Variants in CD5 observed in about 807,000 individuals in gnomAD.
The protein encoded by CD5 is T-cell surface glycoprotein CD5.
A neutral mutation model predicts 60.3 loss-of-function variants in CD5; 36 were observed. That is an observed-to-expected ratio of 0.60 (90% CI 0.46 to 0.79). CD5 has a LOEUF of 0.79. Among genes scored for constraint, CD5 ranks in the 30% least tolerant of loss-of-function variants. The pLI is 0.00. For missense variants in CD5, 540 were observed against 630.6 expected, an observed-to-expected ratio of 0.86 and a Z score of 1.54; for synonymous variants, 230 against 257.6, an observed-to-expected ratio of 0.89 and a Z score of 1.03.
At chr11:61,119,033 G>C in intron 4 of CD5, 56 bp downstream of exon 4, 1 of 1,435,856 alleles carries the variant, frequency 7.0e-7, no homozygotes, top group African/African-American at 1.4e-5. Flanking sequence ...AAAAACCCAG[G>C]ATGCCCAGTT....
intron 1 of CD5, among the ~76,000 whole-genome samples, chr11:61,112,766 C>T (rs1025615378): frequency 5.3e-5 from 8 of 152,220 alleles, no homozygotes; most frequent in Admixed American, 5.2e-4. Flanking sequence ...CCCGTGACTC[C>T]TAGAGCAACA....
At chr11:61,125,237 G>A (rs1456060939) in intron 9 of CD5, 86 bp downstream of exon 9, 11 of 1,479,206 alleles carry the variant, frequency 7.4e-6, no homozygotes, top group South Asian at 1.2e-5. Context: ...TGAAGGTCGG[G>A]TGATGGCCCA....
upstream of CD5, among the ~76,000 whole-genome samples, chr11:61,101,754 C>T (rs1362981875): frequency 6.6e-6 from 1 of 151,778 alleles, no homozygotes; most frequent in Non-Finnish European, 1.5e-5. Flanking sequence ...GGAGATTACA[C>T]ACACATCAAC....
chr11:61,123,085 GC>G, intron 7 of CD5, 53 bp downstream of exon 7: 1 of 1,540,870 alleles, frequency 6.5e-7, no homozygotes, highest in South Asian at 1.2e-5. Flanking sequence ...GACTGGAGGG[GC>G]TGCACTAGAG....
chr11:61,106,056 C>T (rs1860771981), intron 1 of CD5, among the ~76,000 whole-genome samples: 1 of 130,186 alleles, frequency 7.7e-6, no homozygotes, highest in Non-Finnish European at 1.5e-5. Flanking sequence ...ACCTGGGAGG[C>T]GGAGGTTGCG....
Position 61,121,678 on chromosome 11 carries a change from G to A in CD5, c.873G>A (p.Val291=), listed in dbSNP as rs1441361059. 8.8e-6 allele frequency: 14 copies of A among 1,588,304 alleles called. No homozygotes were observed. The highest frequency in any genetic ancestry group is 1.2e-5 in the Non-Finnish European group (14 of 1,162,760). Residue 291 remains valine (V), a synonymous_variant, in exon 6 of 11, where the codon GTG becomes GTA. Transcript: ENST00000347785. ...GCATCTGTGAAGGCACCGTGGAGGT[G>A]CGCCAGGGGGCTCAGTGGGCAGCCC... ...GSSICEGTVE[V]RQGAQWAALC... is the part of the protein sequence containing the mutation.
chr11:61,124,910 G>C, intron 8 of CD5, 122 bp from the exon 9 acceptor site: 2 of 1,127,058 alleles, frequency 1.8e-6, no homozygotes, highest in Non-Finnish European at 2.6e-6. Context: ...GGGGCTGTGG[G>C]TGCCTTTGTC....
At chr11:61,104,217 C>A (rs894312529) in intron 1 of CD5, among the ~76,000 whole-genome samples, 3 of 152,070 alleles carry the variant, frequency 2.0e-5, no homozygotes, top group African/African-American at 4.8e-5. Context: ...GAGCACAATG[C>A]GGCCTCCAAA....
the CD5 span, among the ~76,000 whole-genome samples, chr11:61,095,928 T>C: frequency 1.3e-5 from 2 of 152,098 alleles, no homozygotes; most frequent in African/African-American, 2.4e-5. Flanking sequence ...CAGGAGAAAA[T>C]TGCAGAAACA....
At chr11:61,109,183 CAAAGCCCAAA>C (rs1179301849) in intron 1 of CD5, among the ~76,000 whole-genome samples, 2 of 152,218 alleles carry the variant, frequency 1.3e-5, no homozygotes, top group East Asian at 3.8e-4. Flanking sequence ...TCTGTAATTC[CAAAGCCCAAA>C]AAACATTTGT....
In CD5 at chr11:61,118,042, C is replaced by T; in HGVS notation, c.95-133C>T. 1 of 923,046 alleles carries T rather than the reference C, an allele frequency of 1.1e-6. No homozygotes were observed. The highest frequency in any genetic ancestry group is 1.6e-5 in the South Asian group (1 of 62,736). 57.2% of individuals were successfully genotyped at this position (923,046 alleles called of 1,614,324 possible). On this transcript the variant is annotated intron_variant, in intron 2 of 10. Transcript: ENST00000347785. This position sits in a 1 kb window ranked among gnomAD's most constrained non-coding sequence, Gnocchi z 4.7. ...CTGCAGTGCCCCAGAAGGGACGAAG[C>T]TCACAAGGGGCAAGGCAGGCAGCCC...
intron 1 of CD5, among the ~76,000 whole-genome samples, chr11:61,104,235 T>C (rs1490885279): frequency 1.3e-5 from 2 of 152,112 alleles, no homozygotes; most frequent in Non-Finnish European, 2.9e-5. Context: ...AAAGGCAGGA[T>C]TATCTCCCCA....
At chr11:61,117,796 G>A (rs973034949) in intron 2 of CD5, among the ~76,000 whole-genome samples, 4 of 152,112 alleles carry the variant, frequency 2.6e-5, no homozygotes, top group Admixed American at 2.6e-4. Flanking sequence ...ACCACACCTG[G>A]CCTAAAATTA....
At chr11:61,099,481 C>T (rs1434234958), upstream of CD5, among the ~76,000 whole-genome samples, 1 of 147,160 alleles carries the variant, frequency 6.8e-6, no homozygotes, top group African/African-American at 2.6e-5. Flanking sequence ...ATGGAGATCA[C>T]ACACACATCA....
upstream of CD5, among the ~76,000 whole-genome samples, chr11:61,098,375 T>G (rs1860610038): frequency 1.3e-5 from 2 of 152,280 alleles, no homozygotes; most frequent in South Asian, 2.1e-4. Context: ...ATGAGTGAGA[T>G]TCTCAAAAGA....
chr11:61,122,332 A>C (rs946473463), intron 6 of CD5, among the ~76,000 whole-genome samples: 3 of 146,172 alleles, frequency 2.1e-5, no homozygotes, highest in African/African-American at 7.7e-5. Context: ...GGATGGATGG[A>C]TGGATGGATG....
intron 2 of CD5, among the ~76,000 whole-genome samples, chr11:61,115,530 C>T (rs1565184792): frequency 6.6e-6 from 1 of 152,098 alleles, no homozygotes; most frequent in South Asian, 2.1e-4. Flanking sequence ...GGAGTTTAGT[C>T]GTAGAGGCTG....
chr11:61,096,694 T>C, the CD5 span, among the ~76,000 whole-genome samples: 1 of 152,222 alleles, frequency 6.6e-6, no homozygotes, highest in East Asian at 1.9e-4. Flanking sequence ...GGAGTTATCA[T>C]GGCCCTTACG....
upstream of CD5, among the ~76,000 whole-genome samples, chr11:61,100,385 A>T (rs1475740813): frequency 6.8e-6 from 1 of 147,478 alleles, no homozygotes; most frequent in Non-Finnish European, 1.5e-5. Flanking sequence ...TGGAGATCAC[A>T]CACACACATC....
Sources: gnomAD v4.1 joint callset for allele counts (sites outside exome capture counted in the v4.1 genomes callset) on GRCh38, gnomAD v4.1.1 for gene constraint, Gnocchi (gnomAD v3.1) non-coding constraint, MANE v1.5 for transcripts, NCBI Gene and HGNC (gene_info 2026-07-23, HGNC 2026-07-21) for gene names.